The following ZBTB20 variants were observed in gnomAD, a reference collection of about 807,000 sequenced individuals.
ZBTB20 encodes zinc finger and BTB domain-containing protein 20.
In ZBTB20, 9 loss-of-function variants were observed where a neutral mutation model predicts 56.9. The ratio of observed to expected loss-of-function variants is 0.16; its 90% CI spans 0.10 to 0.28. The LOEUF (loss-of-function observed/expected upper bound fraction) is 0.28. Ranked by LOEUF, ZBTB20 falls within the 10% of genes least tolerant of loss-of-function variation. The pLI is 1.00. For missense variants in ZBTB20, 655 were observed against 1,003.0 expected, an observed-to-expected ratio of 0.65 and a Z score of 4.69; for synonymous variants, 417 against 420.7, an observed-to-expected ratio of 0.99 and a Z score of 0.11.
intron 7 of ZBTB20, among the ~76,000 whole-genome samples, chr3:114,400,128 C>G (rs1241957202): frequency 6.6e-6 from 1 of 152,074 alleles, no homozygotes; most frequent in Non-Finnish European, 1.5e-5. Flanking sequence ...GGGCAGAGCA[C>G]TAGATGGAGA....
chr3:114,374,065 T>C (rs2108472710), intron 10 of ZBTB20, among the ~76,000 whole-genome samples: 1 of 152,280 alleles, frequency 6.6e-6, no homozygotes, highest in African/African-American at 2.4e-5. Context: ...AATGTATAAG[T>C]GCTGGACTAA....
intron 2 of ZBTB20, among the ~76,000 whole-genome samples, chr3:114,995,547 G>A (rs1332864664): frequency 6.6e-6 from 1 of 151,694 alleles, no homozygotes; most frequent in Non-Finnish European, 1.5e-5. Context: ...TATTTCATAA[G>A]CTTCACCCTA....
At chr3:115,040,235 T>G (rs1481009534) in intron 2 of ZBTB20, among the ~76,000 whole-genome samples, 1 of 152,146 alleles carries the variant, frequency 6.6e-6, no homozygotes. Context: ...GAGCCTGGTA[T>G]GTGCCAAAGA....
At chr3:114,483,287 T>C (rs1008427026) in intron 7 of ZBTB20, among the ~76,000 whole-genome samples, 1 of 152,040 alleles carries the variant, frequency 6.6e-6, no homozygotes, top group Non-Finnish European at 1.5e-5. Context: ...AAAAAGAATA[T>C]TTGTACAAAT....
At chr3:115,086,566 C>G (rs1284006140) in intron 1 of ZBTB20, among the ~76,000 whole-genome samples, 1 of 151,784 alleles carries the variant, frequency 6.6e-6, no homozygotes, top group Non-Finnish European at 1.5e-5. Flanking sequence ...TGCAAGTAGA[C>G]AGGACACAGT....
chr3:114,851,167 C>T (rs1345487777), intron 4 of ZBTB20, among the ~76,000 whole-genome samples: 1 of 152,132 alleles, frequency 6.6e-6, no homozygotes, highest in Non-Finnish European at 1.5e-5. Context: ...GATATCTACT[C>T]ATGCAAGAAA....
chr3:114,377,618 T>C (rs1210979045), intron 10 of ZBTB20, among the ~76,000 whole-genome samples: 1 of 152,144 alleles, frequency 6.6e-6, no homozygotes, highest in Non-Finnish European at 1.5e-5. Flanking sequence ...CAGTCACCAA[T>C]ATGAGTAGTT....
chr3:114,384,674 G>A (rs1475224720), intron 8 of ZBTB20, among the ~76,000 whole-genome samples: 2 of 152,196 alleles, frequency 1.3e-5, no homozygotes, highest in Non-Finnish European at 2.9e-5. Flanking sequence ...TTAGCCAGCA[G>A]AGCCTTCTGG....
intron 3 of ZBTB20, among the ~76,000 whole-genome samples, chr3:114,959,398 T>C (rs898227187): frequency 7.9e-5 from 12 of 152,040 alleles, no homozygotes; most frequent in African/African-American, 2.4e-4. Flanking sequence ...GATCACATAG[T>C]GGAATGTCTA....
chr3:114,782,932 T>C (rs187888061), intron 5 of ZBTB20, among the ~76,000 whole-genome samples: 1 of 152,352 alleles, frequency 6.6e-6, no homozygotes, highest in African/African-American at 2.4e-5. Flanking sequence ...ATTTGATGCA[T>C]ATATCCCTGT....
At chr3:114,872,411 C>T (rs750928798) in intron 4 of ZBTB20, among the ~76,000 whole-genome samples, 9 of 151,994 alleles carry the variant, frequency 5.9e-5, no homozygotes, top group Non-Finnish European at 1.2e-4. Context: ...GATTATGTTA[C>T]ATATGATAAT....
intron 7 of ZBTB20, among the ~76,000 whole-genome samples, chr3:114,456,651 G>A (rs1663998023): frequency 6.6e-6 from 1 of 152,194 alleles, no homozygotes; most frequent in Admixed American, 6.5e-5. Context: ...CCATGAAAGT[G>A]ATGGTATCTT....
intron 10 of ZBTB20, among the ~76,000 whole-genome samples, chr3:114,359,795 T>A (rs1434167707): frequency 6.6e-6 from 1 of 152,220 alleles, no homozygotes; most frequent in Non-Finnish European, 1.5e-5. Context: ...GTACAGTTAA[T>A]AAGTTAGGTC....
chr3:114,601,151 T>C (rs1257939968), intron 6 of ZBTB20, among the ~76,000 whole-genome samples: 2 of 152,024 alleles, frequency 1.3e-5, no homozygotes, highest in Non-Finnish European at 2.9e-5. Flanking sequence ...AGAGCTCAGG[T>C]AGGAAGTAAG....
chr3:114,980,834 T>C (rs934689330), intron 2 of ZBTB20, among the ~76,000 whole-genome samples: 14 of 152,136 alleles, frequency 9.2e-5, no homozygotes, highest in African/African-American at 3.1e-4. Context: ...TGCTGCTTGA[T>C]GCAAGTAACC....
rs191821574 is a variant in ZBTB20, at chr3:114,465,604, G to A, written c.-255+34748C>T. On this transcript the variant is annotated intron_variant, in intron 7 of 11. Coordinates refer to ENST00000675478, the MANE Select transcript of ZBTB20 (RefSeq NM_001348800.3). ...CGCCTGTAATCCCAGCTACTCAGGA[G>A]TCTGAGGCAGGAGAATCGCTTGAAC... Among the ~76,000 whole-genome samples, 17 of 152,112 alleles carry A rather than the reference G, an allele frequency of 1.1e-4. No individual in the cohort carries two copies. In the East Asian group the frequency reaches 3.3e-3, roughly 29 times the overall value.
chr3:114,755,106 T>C (rs559894164), intron 5 of ZBTB20, among the ~76,000 whole-genome samples: 21 of 152,326 alleles, frequency 1.4e-4, no homozygotes, highest in Admixed American at 3.3e-4. Context: ...ACAGGTGCTC[T>C]AGATAATCCT....
chr3:115,095,468 G>A (rs1332320769), intron 1 of ZBTB20, among the ~76,000 whole-genome samples: 1 of 152,178 alleles, frequency 6.6e-6, no homozygotes, highest in Admixed American at 6.5e-5. Context: ...TGGAGTATAA[G>A]AGAGGTTATG....
chr3:114,455,339 T>C (rs1033776178), intron 7 of ZBTB20, among the ~76,000 whole-genome samples: 2 of 152,114 alleles, frequency 1.3e-5, no homozygotes, highest in Non-Finnish European at 2.9e-5. Flanking sequence ...TGATAAGCAA[T>C]ACTGCTCGTA....
Sources: gnomAD v4.1 joint callset for allele counts (sites outside exome capture counted in the v4.1 genomes callset) on GRCh38, gnomAD v4.1.1 for gene constraint, MANE v1.5 for transcripts, NCBI Gene and HGNC (gene_info 2026-07-23, HGNC 2026-07-21) for gene names.